The following NKAIN2 variants were observed in gnomAD, a reference collection of about 807,000 sequenced individuals.
NKAIN2 encodes the protein sodium/potassium transporting ATPase interacting 2.
Under a neutral mutation model 32.6 loss-of-function variants are expected in NKAIN2, and 14 were observed. The observed-to-expected ratio is 0.43, with a 90% CI of 0.28 to 0.67. The LOEUF (loss-of-function observed/expected upper bound fraction) is 0.67, where lower values mean the gene tolerates loss of function less well. Among genes scored for constraint, NKAIN2 ranks in the 30% least tolerant of loss-of-function variants. The probability of loss-of-function intolerance (pLI) is 0.17; values close to 1 mark genes in which losing one functional copy is unlikely to be tolerated. For missense variants in NKAIN2, 198 were observed against 258.3 expected (o/e 0.77, Z 1.60); for synonymous variants, 80 against 87.2 (o/e 0.92, Z 0.46).
chr6:124,614,592 T>C (rs932936610), intron 3 of NKAIN2, among the ~76,000 whole-genome samples: 1 of 152,158 alleles, frequency 6.6e-6, no homozygotes, highest in African/African-American at 2.4e-5. Flanking sequence ...TCCAAAGCCT[T>C]CAATCTCTGA....
At chr6:124,130,506 A>G (rs1408185920) in intron 1 of NKAIN2, among the ~76,000 whole-genome samples, 1 of 152,124 alleles carries the variant, frequency 6.6e-6, no homozygotes. Context: ...GTAAATATGT[A>G]TATTTGCTCT....
At chr6:124,497,830 A>AAAC (rs1778123343) in intron 3 of NKAIN2, among the ~76,000 whole-genome samples, 1 of 149,874 alleles carries the variant, frequency 6.7e-6, no homozygotes, top group Admixed American at 6.6e-5. Flanking sequence ...GGGGTAAAAA[A>AAAC]AAAAAAAAAA....
intron 4 of NKAIN2, among the ~76,000 whole-genome samples, chr6:124,709,448 G>T (rs1019732749): frequency 2.0e-5 from 3 of 151,586 alleles, no homozygotes; most frequent in African/African-American, 7.3e-5. Flanking sequence ...GGTAGAATTC[G>T]GCTGTGAATC....
intron 3 of NKAIN2, among the ~76,000 whole-genome samples, chr6:124,563,832 G>A (rs191945889): frequency 1.2e-4 from 19 of 152,192 alleles, no homozygotes; most frequent in Admixed American, 9.2e-4. Flanking sequence ...GTGTCTCCCC[G>A]AGGGAAAGTG....
At chr6:124,546,097 C>T (rs77951074) in intron 3 of NKAIN2, among the ~76,000 whole-genome samples, 1,997 of 152,136 alleles carry the variant, frequency 0.013, 41 homozygotes, top group African/African-American at 0.046. Context: ...TTGTTATCGA[C>T]AAAAAATAAT....
At chr6:123,881,112 C>T (rs906345704) in intron 1 of NKAIN2, among the ~76,000 whole-genome samples, 1 of 152,100 alleles carries the variant, frequency 6.6e-6, no homozygotes, top group African/African-American at 2.4e-5. Context: ...ACCGCCACCT[C>T]CCCGGTTCAA....
At chr6:124,248,837 G>A (rs1208196820) in intron 1 of NKAIN2, among the ~76,000 whole-genome samples, 5 of 152,062 alleles carry the variant, frequency 3.3e-5, no homozygotes, top group Admixed American at 6.6e-5. Flanking sequence ...TCTGCTTGCC[G>A]ACATCAGTGT....
intron 2 of NKAIN2, among the ~76,000 whole-genome samples, chr6:124,352,859 C>T (rs570354448): frequency 6.6e-6 from 1 of 152,158 alleles, no homozygotes; most frequent in Non-Finnish European, 1.5e-5. Flanking sequence ...AGACCCAGCC[C>T]TCAACTCATA....
chr6:124,313,816 T>C (rs1336398302), intron 2 of NKAIN2, among the ~76,000 whole-genome samples: 1 of 152,146 alleles, frequency 6.6e-6, no homozygotes, highest in African/African-American at 2.4e-5. Context: ...CAATTTTCAA[T>C]GCAGAAAATC....
At chr6:124,597,332 C>G (rs1181684974) in intron 3 of NKAIN2, among the ~76,000 whole-genome samples, 1 of 151,550 alleles carries the variant, frequency 6.6e-6, no homozygotes, top group African/African-American at 2.4e-5. Flanking sequence ...GTTAAGGGAG[C>G]CATGCAATAT....
At chr6:123,993,263 T>C (rs1192575302) in intron 1 of NKAIN2, among the ~76,000 whole-genome samples, 1 of 152,196 alleles carries the variant, frequency 6.6e-6, no homozygotes, top group Non-Finnish European at 1.5e-5. Flanking sequence ...CATTTCATTA[T>C]AATTAGTAAG....
chr6:124,363,437 G>GTA (rs35116261), intron 3 of NKAIN2, among the ~76,000 whole-genome samples: 2,257 of 152,256 alleles, frequency 0.015, 25 homozygotes, highest in Non-Finnish European at 0.02. Context: ...TTTGACAAAT[G>GTA]TATAAATCAG....
At chr6:124,302,266 C>T (rs756636693) in intron 2 of NKAIN2, among the ~76,000 whole-genome samples, 21 of 152,178 alleles carry the variant, frequency 1.4e-4, no homozygotes, top group Non-Finnish European at 1.8e-4. Flanking sequence ...TCAGTTAAAC[C>T]TCTTTCCTTT....
At chr6:124,521,477 G>T (rs1779118191) in intron 3 of NKAIN2, among the ~76,000 whole-genome samples, 1 of 152,014 alleles carries the variant, frequency 6.6e-6, no homozygotes. Flanking sequence ...GTGTCATCTA[G>T]CCTTGTATTT....
intron 1 of NKAIN2, among the ~76,000 whole-genome samples, chr6:123,998,433 T>C (rs1771081797): frequency 6.6e-6 from 1 of 152,120 alleles, no homozygotes; most frequent in African/African-American, 2.4e-5. Flanking sequence ...TCATGCCAAT[T>C]TGGTTCCCTA....
chr6:124,196,860 G>C (rs1790341564), intron 1 of NKAIN2, among the ~76,000 whole-genome samples: 1 of 151,758 alleles, frequency 6.6e-6, no homozygotes, highest in African/African-American at 2.4e-5. Context: ...TTTTCAAACT[G>C]AGCTAAAATT....
chr6:124,576,643 G>T (rs991820745), intron 3 of NKAIN2, among the ~76,000 whole-genome samples: 9 of 151,932 alleles, frequency 5.9e-5, no homozygotes, highest in African/African-American at 2.2e-4. Flanking sequence ...AAAATATCAT[G>T]CCTTGGCAAA....
At chr6:124,517,054 C>T (rs1778942235) in intron 3 of NKAIN2, among the ~76,000 whole-genome samples, 1 of 152,134 alleles carries the variant, frequency 6.6e-6, no homozygotes, top group Non-Finnish European at 1.5e-5. Context: ...AGAACAGCTG[C>T]CACCCTCAGT....
At chr6:123,820,247 T>G (rs915115080) in intron 1 of NKAIN2, among the ~76,000 whole-genome samples, 3 of 152,196 alleles carry the variant, frequency 2.0e-5, no homozygotes, top group Non-Finnish European at 4.4e-5. Flanking sequence ...TTAGTGTATA[T>G]ATGGCAGTTC....
Sources: allele counts gnomAD v4.1 joint callset (sites outside exome capture counted in the v4.1 genomes callset), GRCh38; gene constraint gnomAD v4.1.1; transcripts MANE v1.5; gene names NCBI Gene and HGNC (gene_info 2026-07-23, HGNC 2026-07-21).